Variants in HYOU1 observed in about 807,000 individuals in gnomAD.
The protein encoded by HYOU1 is hypoxia up-regulated 1.
A neutral mutation model predicts 120.5 loss-of-function variants in HYOU1; 40 were observed. The ratio of observed to expected loss-of-function variants is 0.33; its 90% CI spans 0.26 to 0.43. HYOU1 has a LOEUF of 0.43. Among genes scored for constraint, HYOU1 ranks in the 20% least tolerant of loss-of-function variants. The probability of loss-of-function intolerance (pLI) is 1.00; values close to 1 mark genes in which losing one functional copy is unlikely to be tolerated. For synonymous variants in HYOU1, 501 were observed against 479.4 expected (o/e 1.05, Z -0.59); for missense variants, 1,085 against 1,278.3 (o/e 0.85, Z 2.31).
In HYOU1 at chr11:119,046,474, G is replaced by A. The variant is rs2133550109; in HGVS notation, c.2837-7C>T. ...TCTGCATCTTCAGTCTGGCCTAGAA[G>A]GAAACCAGGGGTAAGACATAGCCTC... On this transcript the variant is annotated splice_polypyrimidine_tract_variant and splice_region_variant and intron_variant, in intron 23 of 25. Transcript: ENST00000617285. 3.1e-6 allele frequency: 5 copies of A among 1,614,126 alleles called. No homozygotes were observed. In the Admixed American group the frequency reaches 5.0e-5, roughly 16 times the overall value.
In HYOU1 at chr11:119,048,936, T is replaced by C; in HGVS notation, c.1993-50A>G. The C allele has an allele frequency of 6.2e-7, 1 of 1,608,412 alleles. No individual in the cohort carries two copies. Among genetic ancestry groups the C allele is most frequent in the South Asian group, 1.1e-5 (1 of 90,552 alleles). The stretch of plus-strand genomic sequence containing the variant: ...CAGGAAAAGCCTCTGCCCTCCTACA[T>C]TCTCCACAAGGCCAGAAACAAGGCA... On this transcript the variant is annotated intron_variant, in intron 17 of 25. Coordinates refer to ENST00000617285, the MANE Select transcript of HYOU1 (RefSeq NM_006389.5). This position sits in a 1 kb window ranked among gnomAD's most constrained non-coding sequence, Gnocchi z 4.7.
rs1565707694 is a variant in HYOU1, at chr11:119,047,836, G to A, written c.2511-18C>T. 6.2e-7 allele frequency: 1 copy of A among 1,613,524 alleles called. No individual in the cohort carries two copies. The highest frequency in any genetic ancestry group is 8.5e-7 in the Non-Finnish European group (1 of 1,179,680). Reference sequence around the variant, plus strand: ...GGGCCCCCCTGGAAGCCAGAAAGGAGACCATTAGCCCCAGAGGGAGAGGGG... The same window carrying A: ...GGGCCCCCCTGGAAGCCAGAAAGGAAACCATTAGCCCCAGAGGGAGAGGGG... On this transcript the variant is annotated intron_variant, in intron 21 of 25. Transcript: ENST00000617285.
chr11:119,047,987 C>G lies in HYOU1; in HGVS notation c.2470G>C (p.Ala824Pro). 2 of 1,614,198 alleles carry G rather than the reference C, an allele frequency of 1.2e-6. No homozygotes were observed. The highest frequency in any genetic ancestry group is 2.2e-5 in the South Asian group (2 of 91,082). The change falls in exon 21 of 26, where the codon GCC becomes CCC. Residue 824 changes from alanine (A) to proline (P), a missense_variant. Around this residue, in one of 4 missense-constraint regions of HYOU1, gnomAD observed 516 missense variants for 517.1 expected, o/e 1.00. Coordinates refer to ENST00000617285, the MANE Select transcript of HYOU1 (RefSeq NM_006389.5). Reference sequence around the variant, plus strand: ...GAATGGTTGAGGAGATTATCGAGGGCAGACAGCCGTTCGGGCCACTTCTTG... The same window carrying G: ...GAATGGTTGAGGAGATTATCGAGGGGAGACAGCCGTTCGGGCCACTTCTTG... ...ERKKWPERLS[A>P]LDNLLNHSSM... is the part of the protein sequence containing the mutation.
At chr11:119,056,495 C>G (rs1944775022) in intron 1 of HYOU1, 1 of 420,552 alleles carries the variant, frequency 2.4e-6, no homozygotes, top group Admixed American at 3.0e-5. Flanking sequence ...CAGCACTGTG[C>G]CTGTTGTCAG....
rs1592145253 is a variant in HYOU1 at position 119,051,280 on chromosome 11, A to C, written c.1527-107T>G. On this transcript the variant is annotated intron_variant, in intron 13 of 25. Transcript: ENST00000617285. This position sits in a 1 kb window ranked among gnomAD's most constrained non-coding sequence, Gnocchi z 4.2. ...GGTGTCAGGGGCACTCCCCAAGGGC[A>C]CACTCAAGAGGACGGATGCATTCTC... 7.2e-6 allele frequency: 11 copies of C among 1,532,908 alleles called. No individual in the cohort carries two copies. In the East Asian group the frequency reaches 2.5e-4, roughly 34 times the overall value. The allele number at this position is 1,532,908 out of a possible 1,614,324, so 95.0% of individuals were successfully genotyped here.
intron 8 of HYOU1, 137 bp downstream of exon 8, chr11:119,053,984 C>A: frequency 8.1e-6 from 5 of 615,744 alleles, no homozygotes; most frequent in Non-Finnish European, 1.2e-5. Context: ...GTGAGTGGTC[C>A]CCTACAATGA....
chr11:119,051,752 C>G lies in HYOU1; in HGVS notation c.1338+67G>C, dbSNP rs1171192756. The G allele has an allele frequency of 9.3e-6, 15 of 1,605,330 alleles. No individual in the cohort carries two copies. In the Admixed American group the frequency reaches 2.3e-4, roughly 25 times the overall value. The stretch of plus-strand genomic sequence containing the variant: ...AGACAAAGGGATGAGCCAGAGCAGA[C>G]AGAAGGGGAAACCCTACTTGGGAGA... On this transcript the variant is annotated intron_variant, in intron 12 of 25. Coordinates refer to ENST00000617285, the MANE Select transcript of HYOU1 (RefSeq NM_006389.5). The surrounding 1 kb of genome is among the most constrained non-coding windows in gnomAD (Gnocchi z 4.2).
In HYOU1 at chr11:119,052,717, G is replaced by C; in HGVS notation, c.907C>G (p.Pro303Ala). 1 of 1,614,214 alleles carries C rather than the reference G, an allele frequency of 6.2e-7. No homozygotes were observed. Among genetic ancestry groups the C allele is most frequent in the African/African-American group, 1.3e-5 (1 of 75,076 alleles). The change falls in exon 9 of 26, where the codon CCG becomes GCG. Residue 303 changes from proline to alanine, a missense_variant. Coordinates refer to ENST00000617285, the MANE Select transcript of HYOU1 (RefSeq NM_006389.5). The surrounding 1 kb of genome is among the most constrained non-coding windows in gnomAD (Gnocchi z 5.0). ...CGCAGCAGCTTGGCCATGGCACGCG[G>C]GTTCTCCCGCACATCCTTTGCTCTC... ...GQRAKDVREN[P>A]RAMAKLLREA...
chr11:119,055,790 T>C lies in HYOU1; in HGVS notation c.145A>G (p.Ile49Val). 6.2e-7 allele frequency: 1 copy of C among 1,614,164 alleles called. No homozygotes were observed. Among genetic ancestry groups the C allele is most frequent in the Non-Finnish European group, 8.5e-7 (1 of 1,180,008 alleles). Residue 49 changes from isoleucine (I) to valine (V), a missense_variant, in exon 3 of 26, where the codon ATT (isoleucine) becomes GTT (valine). Ile to Val is a conservative substitution (Grantham distance 29). Transcript: ENST00000617285. This position sits in a 1 kb window ranked among gnomAD's most constrained non-coding sequence, Gnocchi z 4.0. ...TCCATGGGCACTCCAGGTTTGACAA[T>C]GGCCACCTTCATGGACTCACTGCCC... ...DLGSESMKVAIVKPGVPMEIV... is the reference protein window; with the variant it reads ...DLGSESMKVAVVKPGVPMEIV...
Position 119,048,167 on chromosome 11 carries a change from C to T in HYOU1, c.2376+81G>A, listed in dbSNP as rs1229237200. 6.2e-7 allele frequency: 1 copy of T among 1,609,632 alleles called. No individual in the cohort carries two copies. Among genetic ancestry groups the T allele is most frequent in the Non-Finnish European group, 8.5e-7 (1 of 1,178,580 alleles). ...CCATGTCCTTCTTTATGGGCTCAAGCCCCAGCTCTTCTCTCTCTCTGACCC... is the reference window on the plus strand; with the variant it reads ...CCATGTCCTTCTTTATGGGCTCAAGTCCCAGCTCTTCTCTCTCTCTGACCC... On this transcript the variant is annotated intron_variant, in intron 20 of 25. Coordinates refer to ENST00000617285, the MANE Select transcript of HYOU1 (RefSeq NM_006389.5). The surrounding 1 kb of genome is among the most constrained non-coding windows in gnomAD (Gnocchi z 4.7).
At chr11:119,053,193 G>C (rs1373316573) in intron 8 of HYOU1, 1 of 210,678 alleles carries the variant, frequency 4.7e-6, no homozygotes, top group Non-Finnish European at 9.5e-6. Flanking sequence ...AGGGGACAAT[G>C]CCTGCAGAAC....
At chr11:119,054,882 T>C (rs1944659866) in intron 6 of HYOU1, 102 bp downstream of exon 6, 3 of 1,252,610 alleles carry the variant, frequency 2.4e-6, no homozygotes, top group Non-Finnish European at 3.4e-6. Context: ...TATCTTCAGA[T>C]GTTGCTAAAT....
In HYOU1 at chr11:119,052,934, G is replaced by C. The variant is rs1469751898; in HGVS notation, c.795-105C>G. The stretch of plus-strand genomic sequence containing the variant: ...ATGGCACCTTTCCTTCATCTCAGGG[G>C]ACCTTGTTCATCTCCAGTGCCCCAT... On this transcript the variant is annotated intron_variant, in intron 8 of 25. Transcript: ENST00000617285. The surrounding 1 kb of genome is among the most constrained non-coding windows in gnomAD (Gnocchi z 5.0). 1.8e-6 allele frequency: 2 copies of C among 1,087,418 alleles called. No individual in the cohort carries two copies. The highest frequency in any genetic ancestry group is 2.6e-5 in the East Asian group (1 of 38,588). The allele number at this position is 1,087,418 out of a possible 1,614,324, so 67.4% of individuals were successfully genotyped here.
rs2133545000 is a variant in HYOU1, at chr11:119,045,810, T to G, written c.2909A>C (p.Glu970Ala). 1.9e-6 allele frequency: 3 copies of G among 1,612,480 alleles called. No homozygotes were observed. The African/African-American group carries it at 4.0e-5, about 22-fold the overall frequency. The change falls in exon 25 of 26, where the codon GAG becomes GCG. Residue 970 changes from glutamate (E) to alanine (A), a missense_variant. Transcript: ENST00000617285. ...TCCAGGACCTCCTAACTCCAAAGGC[T>G]CAGTGTCTCCTGGCTCGGATCCTGC... ...VETGSEPGDT[E>A]PLELGGPGAE...
intron 1 of HYOU1, 107 bp downstream of exon 1, chr11:119,056,913 C>T (rs1033317475): frequency 6.5e-6 from 1 of 154,480 alleles, no homozygotes; most frequent in Non-Finnish European, 1.4e-5. Flanking sequence ...GGCCGAGCGC[C>T]CGGCGTCCGC....
Position 119,056,122 on chromosome 11 carries a change from T to C in HYOU1, c.39A>G (p.Arg13=). The C allele has an allele frequency of 8.7e-6, 14 of 1,614,058 alleles. No individual in the cohort carries two copies. The highest frequency in any genetic ancestry group is 1.2e-5 in the Non-Finnish European group (14 of 1,180,022). Residue 13 remains arginine (R), a synonymous_variant, in exon 2 of 26, where the codon CGA becomes CGG. Coordinates refer to ENST00000617285, the MANE Select transcript of HYOU1 (RefSeq NM_006389.5). ...DKVRRQRPRR[R]VCWALVAVLL... ...GCACAGCCACCAAGGCCCAACAGAC[T>C]CGCCTCCTCGGCCTCTGCCTCCTAA...
rs113379201 is a variant in HYOU1, at chr11:119,046,422, T to C, written c.2882A>G (p.Glu961Gly). The C allele has an allele frequency of 4.3e-6, 7 of 1,614,132 alleles. No individual in the cohort carries two copies. Among genetic ancestry groups the C allele is most frequent in the Non-Finnish European group, 5.9e-6 (7 of 1,180,026 alleles). The part of the protein sequence containing the change: ...AEPISEPEKV[E>G]TGSEPGDTEP... Reference sequence around the variant, plus strand: ...CCATGGTTGCTCCAACTCACCAGTCTCTACTTTCTCAGGTTCTGAAATGGG... The same window carrying C: ...CCATGGTTGCTCCAACTCACCAGTCCCTACTTTCTCAGGTTCTGAAATGGG... The change falls in exon 24 of 26, where the codon GAG becomes GGG. Residue 961 changes from glutamate (E) to glycine (G), a missense_variant. Physicochemically the swap from Glu to Gly is moderately conservative, Grantham distance 98 (BLOSUM62 -2). Coordinates refer to ENST00000617285, the MANE Select transcript of HYOU1 (RefSeq NM_006389.5).
At chr11:119,049,478 C>G (rs1339072674) in intron 16 of HYOU1, 78 bp downstream of exon 16, 2 of 1,559,026 alleles carry the variant, frequency 1.3e-6, no homozygotes, top group Non-Finnish European at 1.8e-6. Flanking sequence ...GGTGGCCTAC[C>G]CTCACCCCCT....
chr11:119,048,296 G>T lies in HYOU1; in HGVS notation c.2328C>A (p.Ser776Arg). 2 of 1,611,272 alleles carry T rather than the reference G, an allele frequency of 1.2e-6. No individual in the cohort carries two copies. Reference sequence around the variant, plus strand: ...CATCCTCCAGCCAGGTGGATGCGGCGCTGAGCTTCCCAGAGATCTCCTCAC... The same window carrying T: ...CATCCTCCAGCCAGGTGGATGCGGCTCTGAGCTTCCCAGAGATCTCCTCAC... ...EQREEISGKL[S>R]AASTWLEDEG... The change falls in exon 20 of 26, where the codon AGC becomes AGA. Residue 776 changes from serine (S) to arginine (R), a missense_variant. Physicochemically the swap from Ser to Arg is moderately radical, Grantham distance 110. Transcript: ENST00000617285. The surrounding 1 kb of genome is among the most constrained non-coding windows in gnomAD (Gnocchi z 4.7).
Sources: allele counts gnomAD v4.1 joint callset, GRCh38; gene constraint gnomAD v4.1.1; regional missense constraint gnomAD v4.1.1; non-coding constraint Gnocchi (gnomAD v3.1); transcripts MANE v1.5; gene names NCBI Gene and HGNC (gene_info 2026-07-23, HGNC 2026-07-21).